The following METTL25 variants were observed in gnomAD, a reference collection of about 807,000 sequenced individuals.
The protein encoded by METTL25 is probable methyltransferase-like protein 25.
In METTL25, 64 loss-of-function variants were observed where a neutral mutation model predicts 71.6. The ratio of observed to expected loss-of-function variants is 0.89; its 90% CI spans 0.73 to 1.10. METTL25 has a LOEUF of 1.10. METTL25 is among the 50% of genes least tolerant of loss of function. METTL25 has a pLI of 0.00. For synonymous variants in METTL25, 287 were observed against 250.3 expected (o/e 1.15, Z -1.38); for missense variants, 807 against 707.0 (o/e 1.14, Z -1.60).
chr12:82,387,601 A>G (rs772062172), intron 2 of METTL25, among the ~76,000 whole-genome samples: 5 of 151,800 alleles, frequency 3.3e-5, no homozygotes, highest in Non-Finnish European at 5.9e-5. Flanking sequence ...AAATTTCCAA[A>G]CCTACAGAAA....
At chr12:82,380,247 T>G (rs1416605135) in intron 1 of METTL25, among the ~76,000 whole-genome samples, 1 of 152,154 alleles carries the variant, frequency 6.6e-6, no homozygotes. Context: ...TTGCATTACT[T>G]TGCCAAGGAT....
intron 4 of METTL25, among the ~76,000 whole-genome samples, chr12:82,400,518 T>C (rs2137012854): frequency 6.6e-6 from 1 of 152,246 alleles, no homozygotes; most frequent in Admixed American, 6.5e-5. Context: ...TTCTTTTTCT[T>C]ATACATGAAA....
chr12:82,376,308 C>T (rs1371821103), intron 1 of METTL25, among the ~76,000 whole-genome samples: 1 of 152,172 alleles, frequency 6.6e-6, no homozygotes, highest in African/African-American at 2.4e-5. Context: ...AAATTAAAAA[C>T]ATGTACATCT....
At chr12:82,442,163 A>G (rs1168095438) in intron 8 of METTL25, among the ~76,000 whole-genome samples, 1 of 152,094 alleles carries the variant, frequency 6.6e-6, no homozygotes, top group Non-Finnish European at 1.5e-5. Flanking sequence ...AGCAGTAACA[A>G]GGTAACCCCT....
rs1886381302 is a variant in METTL25, at chr12:82,399,345, C to T, written c.1082C>T (p.Ser361Phe). The T allele has an allele frequency of 1.2e-6, 2 of 1,603,004 alleles. No individual in the cohort carries two copies. The highest frequency in any genetic ancestry group is 1.7e-5 in the Admixed American group (1 of 57,586). The change falls in exon 4 of 12, where the codon TCT (serine) becomes TTT (phenylalanine). Residue 361 changes from serine to phenylalanine, a missense_variant. Transcript: ENST00000248306. ...SESNIYSPLT[S>F]FITADSELHD... The stretch of plus-strand genomic sequence containing the variant: ...TCAAATATATATTCACCTTTAACCT[C>T]TTTTATCACTGCTGATTCAGAACTC...
intron 1 of METTL25, among the ~76,000 whole-genome samples, chr12:82,383,270 G>C (rs113901843): frequency 1.3e-5 from 2 of 151,724 alleles, no homozygotes; most frequent in Non-Finnish European, 1.5e-5. Context: ...TGCCTCCTGG[G>C]TTCAAGTGAT....
intron 8 of METTL25, among the ~76,000 whole-genome samples, chr12:82,454,630 A>T (rs1891358533): frequency 6.6e-6 from 1 of 152,032 alleles, no homozygotes; most frequent in Non-Finnish European, 1.5e-5. Flanking sequence ...AGTAAAAAGT[A>T]GTGTATTTTG....
At chr12:82,405,362 G>A (rs1040832406) in intron 5 of METTL25, among the ~76,000 whole-genome samples, 5 of 152,098 alleles carry the variant, frequency 3.3e-5, no homozygotes, top group Non-Finnish European at 7.4e-5. Flanking sequence ...TGGATTGTGA[G>A]CAATTTTATC....
At chr12:82,442,780 T>G (rs1890443511) in intron 8 of METTL25, among the ~76,000 whole-genome samples, 1 of 152,090 alleles carries the variant, frequency 6.6e-6, no homozygotes, top group Non-Finnish European at 1.5e-5. Flanking sequence ...ATTTTAAAAT[T>G]GAAAGTTTAA....
intron 6 of METTL25, among the ~76,000 whole-genome samples, chr12:82,432,208 AAT>A (rs1889561865): frequency 6.6e-6 from 1 of 151,828 alleles, no homozygotes; most frequent in East Asian, 1.9e-4. Context: ...CAATATAAGA[AAT>A]AGTGTGCCAG....
chr12:82,439,668 T>A (rs1441884337), intron 8 of METTL25, among the ~76,000 whole-genome samples: 2 of 151,812 alleles, frequency 1.3e-5, no homozygotes, highest in African/African-American at 4.8e-5. Flanking sequence ...CAAATCTGTA[T>A]CTCAGTCTCC....
chr12:82,406,941 TTC>T (rs1466236711), intron 5 of METTL25, among the ~76,000 whole-genome samples: 2 of 152,108 alleles, frequency 1.3e-5, no homozygotes, highest in African/African-American at 4.8e-5. Flanking sequence ...GTTTTTTTTT[TTC>T]TCTTTGACTT....
At chr12:82,415,475 T>G (rs1887899732) in intron 5 of METTL25, among the ~76,000 whole-genome samples, 2 of 152,038 alleles carry the variant, frequency 1.3e-5, no homozygotes, top group South Asian at 2.1e-4. Flanking sequence ...GTAATTAGAT[T>G]TACTAAGAAT....
intron 11 of METTL25, among the ~76,000 whole-genome samples, chr12:82,478,013 T>C (rs912774740): frequency 6.6e-6 from 1 of 151,840 alleles, no homozygotes; most frequent in Non-Finnish European, 1.5e-5. Context: ...ATTTTCCTAA[T>C]TGGAACAAAT....
Position 82,399,114 on chromosome 12 carries a change from CTG to C in METTL25, c.853_854del (p.Val285AsnfsTer3), listed in dbSNP as rs1565828895. Reference sequence around the variant, plus strand: ...GCTATTTTGCCTGATTTTTCTGGCTCTGTAATTTCTAATATCAGAAACCAAAT... The same window carrying C: ...GCTATTTTGCCTGATTTTTCTGGCTCTAATTTCTAATATCAGAAACCAAAT... On this transcript the variant is annotated frameshift_variant, in exon 4 of 12. Coordinates refer to ENST00000248306, the MANE Select transcript of METTL25 (RefSeq NM_032230.3). LOFTEE classifies it high-confidence loss of function. 11 of 1,613,600 alleles carry C rather than the reference CTG, an allele frequency of 6.8e-6. No homozygotes were observed. The Admixed American group carries it at 1.2e-4, about 17-fold the overall frequency.
rs760841619 is a variant in METTL25 at position 82,358,586 on chromosome 12, C to G, written c.21C>G (p.Leu7=). 2 of 1,612,296 alleles carry G rather than the reference C, an allele frequency of 1.2e-6. No individual in the cohort carries two copies. Among genetic ancestry groups the G allele is most frequent in the Non-Finnish European group, 1.7e-6 (2 of 1,179,944 alleles). The part of the protein sequence containing the change: MAASCP[L]PVTPDLPTLR... Reference sequence around the variant, plus strand: ...GCGTCATGGCGGCTTCTTGCCCTCTCCCGGTGACCCCGGACCTGCCCACGC... The same window carrying G: ...GCGTCATGGCGGCTTCTTGCCCTCTGCCGGTGACCCCGGACCTGCCCACGC... The change falls in exon 1 of 12, where the codon CTC becomes CTG. Residue 7 remains leucine, a synonymous_variant. Coordinates refer to ENST00000248306, the MANE Select transcript of METTL25 (RefSeq NM_032230.3).
Position 82,425,417 on chromosome 12 carries a change from G to T in METTL25, c.1280-5476G>T, listed in dbSNP as rs1888934057. Among the ~76,000 whole-genome samples the T allele has an allele frequency of 1.3e-5, 2 of 152,068 alleles. 1 individual carries two copies. The highest frequency in any genetic ancestry group is 4.1e-4 in the South Asian group (2 of 4,830). On this transcript the variant is annotated intron_variant, in intron 5 of 11. Transcript: ENST00000248306. ...CACAGGAACATTTCATAGGCAGATA[G>T]AATGTGATGAGTCAGCAAGGGAGTA...
chr12:82,399,961 A>AC (rs1278548912), intron 4 of METTL25, among the ~76,000 whole-genome samples: 2 of 151,486 alleles, frequency 1.3e-5, no homozygotes, highest in East Asian at 3.9e-4. Flanking sequence ...AAAAAAAAAA[A>AC]AGGTAGCTTT....
chr12:82,452,209 A>G (rs1891198305), intron 8 of METTL25, among the ~76,000 whole-genome samples: 1 of 152,220 alleles, frequency 6.6e-6, no homozygotes, highest in Admixed American at 6.5e-5. Flanking sequence ...GCGTTCTCTT[A>G]TAAATAAGAC....
Sources: gnomAD v4.1 joint callset for allele counts (sites outside exome capture counted in the v4.1 genomes callset) on GRCh38, gnomAD v4.1.1 for gene constraint, MANE v1.5 for transcripts, NCBI Gene and HGNC (gene_info 2026-07-23, HGNC 2026-07-21) for gene names.